The following ERBB4 variants were observed in gnomAD, a reference collection of about 807,000 sequenced individuals.
The protein encoded by ERBB4 is erb-b2 receptor tyrosine kinase 4.
A neutral mutation model predicts 158.0 loss-of-function variants in ERBB4; 42 were observed. The observed-to-expected ratio is 0.27, with a 90% CI of 0.21 to 0.34. The LOEUF (loss-of-function observed/expected upper bound fraction) is 0.34, where lower values mean the gene tolerates loss of function less well. Among genes scored for constraint, ERBB4 ranks in the 10% least tolerant of loss-of-function variants. The pLI, the probability that ERBB4 is intolerant of heterozygous loss-of-function variation, is 1.00. For synonymous variants in ERBB4, 583 were observed against 558.7 expected (o/e 1.04, Z -0.61); for missense variants, 1,333 against 1,624.1 (o/e 0.82, Z 3.08).
chr2:211,447,090 G>T (rs2064129552), intron 20 of ERBB4, among the ~76,000 whole-genome samples: 1 of 151,974 alleles, frequency 6.6e-6, no homozygotes. Flanking sequence ...AAAAATCAGT[G>T]GGTTTCTTTT....
At chr2:211,600,719 T>C (rs993321017) in intron 19 of ERBB4, among the ~76,000 whole-genome samples, 6 of 151,982 alleles carry the variant, frequency 3.9e-5, no homozygotes, top group Non-Finnish European at 8.8e-5. Flanking sequence ...CCACACACAG[T>C]GGAAAATGGG....
chr2:212,402,210 T>C (rs2091227272), intron 1 of ERBB4, among the ~76,000 whole-genome samples: 1 of 152,060 alleles, frequency 6.6e-6, no homozygotes, highest in Non-Finnish European at 1.5e-5. Flanking sequence ...ACATATAACC[T>C]GGAATGAAAC....
chr2:212,223,797 TGTA>T (rs2083383037), intron 1 of ERBB4, among the ~76,000 whole-genome samples: 1 of 151,788 alleles, frequency 6.6e-6, no homozygotes, highest in South Asian at 2.1e-4. Flanking sequence ...TATCACCCAA[TGTA>T]ACACTATCAC....
chr2:212,255,828 C>T (rs2106066733), intron 1 of ERBB4, among the ~76,000 whole-genome samples: 1 of 151,890 alleles, frequency 6.6e-6, no homozygotes, highest in South Asian at 2.1e-4. Flanking sequence ...TACTTTGTGT[C>T]ATTTTTTTAA....
chr2:212,416,055 C>A (rs576289044), intron 1 of ERBB4, among the ~76,000 whole-genome samples: 1 of 152,056 alleles, frequency 6.6e-6, no homozygotes, highest in South Asian at 2.1e-4. Flanking sequence ...TAATTACATA[C>A]CCACAAAGCT....
chr2:212,471,472 C>G (rs1055868403), intron 1 of ERBB4, among the ~76,000 whole-genome samples: 2 of 151,782 alleles, frequency 1.3e-5, no homozygotes, highest in African/African-American at 4.8e-5. Context: ...ATTACTACAA[C>G]CAATAAATCG....
chr2:211,801,263 A>C (rs1352114184), intron 3 of ERBB4, among the ~76,000 whole-genome samples: 1 of 152,188 alleles, frequency 6.6e-6, no homozygotes, highest in Non-Finnish European at 1.5e-5. Context: ...GGGAATCCAA[A>C]ATTAAAACAG....
intron 1 of ERBB4, among the ~76,000 whole-genome samples, chr2:212,129,231 A>C (rs1215727957): frequency 1.3e-5 from 2 of 151,626 alleles, no homozygotes; most frequent in African/African-American, 4.8e-5. Context: ...CTCATACTTT[A>C]ATATTAATAT....
chr2:212,052,405 T>C (rs1041479314), intron 2 of ERBB4, among the ~76,000 whole-genome samples: 1 of 152,188 alleles, frequency 6.6e-6, no homozygotes, highest in Non-Finnish European at 1.5e-5. Flanking sequence ...ATTGTGGGAC[T>C]TCACCTTGTG....
chr2:211,778,685 C>A (rs1009205508), intron 4 of ERBB4: 4 of 152,182 alleles, frequency 2.6e-5, no homozygotes, highest in Non-Finnish European at 5.9e-5. Flanking sequence ...CATGCAGGAG[C>A]CTCTGTGAAC....
intron 1 of ERBB4, among the ~76,000 whole-genome samples, chr2:212,206,235 A>G (rs2082740279): frequency 6.6e-6 from 1 of 152,140 alleles, no homozygotes; most frequent in South Asian, 2.1e-4. Flanking sequence ...AGGATCTGAC[A>G]CAAGCTGGGG....
chr2:211,553,622 G>A (rs1224082312), intron 20 of ERBB4, among the ~76,000 whole-genome samples: 1 of 152,118 alleles, frequency 6.6e-6, no homozygotes, highest in African/African-American at 2.4e-5. Context: ...ATGCCAAACA[G>A]TAAGCTTAGC....
At chr2:211,429,018 A>AT (rs111719494) in intron 21 of ERBB4, among the ~76,000 whole-genome samples, 5,894 of 151,854 alleles carry the variant, frequency 0.039, 361 homozygotes, top group African/African-American at 0.13. Context: ...GGTCATACTT[A>AT]TTTTTTTAAA....
intron 19 of ERBB4, among the ~76,000 whole-genome samples, chr2:211,608,720 C>T (rs747717512): frequency 6.6e-6 from 1 of 152,008 alleles, no homozygotes; most frequent in Non-Finnish European, 1.5e-5. Flanking sequence ...CTTTGGTGTG[C>T]AGTTGAGTTA....
intron 1 of ERBB4, among the ~76,000 whole-genome samples, chr2:212,183,169 C>T (rs1178878834): frequency 3.3e-5 from 5 of 151,712 alleles, no homozygotes; most frequent in East Asian, 3.9e-4. Context: ...TTTAGAAATG[C>T]TATAAGATAG....
chr2:212,015,093 T>A (rs1336650504), intron 2 of ERBB4, among the ~76,000 whole-genome samples: 23 of 64,110 alleles, frequency 3.6e-4, no homozygotes, highest in East Asian at 7.4e-4. Flanking sequence ...TATATATATA[T>A]ATATATATAT....
chr2:211,807,882 A>G (rs2076657731), intron 3 of ERBB4, among the ~76,000 whole-genome samples: 2 of 152,112 alleles, frequency 1.3e-5, no homozygotes, highest in Admixed American at 6.5e-5. Context: ...GCCAGTGATG[A>G]TGAGCATTTT....
chr2:212,340,726 A>T (rs2088669147), intron 1 of ERBB4, among the ~76,000 whole-genome samples: 1 of 152,184 alleles, frequency 6.6e-6, no homozygotes, highest in Non-Finnish European at 1.5e-5. Context: ...AGCTTTGCTC[A>T]CCCACTGCTC....
At chr2:211,439,412 G>A (rs113566250) in intron 20 of ERBB4, among the ~76,000 whole-genome samples, 82 of 152,280 alleles carry the variant, frequency 5.4e-4, no homozygotes, top group African/African-American at 1.8e-3. Context: ...AGCCTTCAAC[G>A]TTTATTATGT....
Sources: allele counts gnomAD v4.1 joint callset (sites outside exome capture counted in the v4.1 genomes callset), GRCh38; gene constraint gnomAD v4.1.1; transcripts MANE v1.5; gene names NCBI Gene and HGNC (gene_info 2026-07-23, HGNC 2026-07-21).